GOLGA8A: variants seen among roughly 807,000 people sequenced by gnomAD.
GOLGA8A encodes golgin subfamily A member 8A.
GOLGA8A carries 3 observed loss-of-function variants against 22.1 expected under a neutral mutation model. The observed-to-expected ratio is 0.14, with a 90% confidence interval of 0.06 to 0.35. The LOEUF (loss-of-function observed/expected upper bound fraction) is 0.35. Ranked by LOEUF, GOLGA8A falls within the 10% of genes least tolerant of loss-of-function variation. The pLI is 1.00. For missense variants in GOLGA8A, 16 were observed against 233.2 expected, an observed-to-expected ratio of 0.07 and a Z score of 6.07; for synonymous variants, 7 against 91.7, an observed-to-expected ratio of 0.08 and a Z score of 5.28.
At position 34,426,170 on chromosome 15, in the gene GOLGA8A, T is replaced by C. The variant is rs542720878; in HGVS notation, c.-1123+9213A>G. On this transcript the variant is annotated intron_variant, in intron 2 of 24. Transcript: ENST00000359187. ...ATGTACGAGACTCCACCTGTCAGCA[T>C]TCTCCGTGAGTGTGAAAAACGGAAC... 4.1e-4 allele frequency among the ~76,000 whole-genome samples: 61 copies of C among 149,378 alleles called. 9 individuals carry two copies. The highest frequency in any genetic ancestry group is 1.6e-3 in the Admixed American group (23 of 14,746).
rs746894288 is a variant in GOLGA8A, at chr15:34,432,299, C to G, written c.-1123+3084G>C. 4.3e-4 allele frequency among the ~76,000 whole-genome samples: 64 copies of G among 148,898 alleles called. 4 individuals are homozygous for G. The highest frequency in any genetic ancestry group is 6.7e-4 in the Non-Finnish European group (45 of 67,120). On this transcript the variant is annotated intron_variant, in intron 2 of 24. Coordinates refer to ENST00000359187, the MANE Select transcript of GOLGA8A (RefSeq NM_181077.5). ...TGTTGAAAATTAGCACCTTTACGTG[C>G]CCACCAGTGGTCATGAGTCCTAGTC...
chr15:34,427,297 C>G (rs58952833), intron 2 of GOLGA8A, among the ~76,000 whole-genome samples: 25,959 of 133,552 alleles, frequency 0.19, 4,124 homozygotes, highest in African/African-American at 0.36. Flanking sequence ...TGCCACTGCA[C>G]TCCAGCCTGG....
intron 2 of GOLGA8A, among the ~76,000 whole-genome samples, chr15:34,426,133 T>C (rs914845054): frequency 6.7e-6 from 1 of 148,966 alleles, no homozygotes; most frequent in African/African-American, 2.5e-5. Flanking sequence ...CCCATGCAGA[T>C]GCAAGGGTTT....
Position 34,381,237 on chromosome 15 carries a change from G to C in GOLGA8A, c.*174C>G, listed in dbSNP as rs1364879360. On this transcript the variant is annotated 3_prime_UTR_variant, in exon 25 of 25. Transcript: ENST00000359187. ...AGTGAACATCAGTGAGAGCCACAGA[G>C]ACCCACTCTCTTTTAACTTTTTACA... 2.6e-5 allele frequency: 28 copies of C among 1,093,688 alleles called. No individual in the cohort carries two copies. In the Middle Eastern group the frequency reaches 1.2e-3, roughly 46 times the overall value. The allele number at this position is 1,093,688 out of a possible 1,614,324, so 67.7% of individuals were successfully genotyped here. A position where few individuals can be genotyped will look rare whatever the true frequency, so the allele number is the denominator to read the frequency against.
chr15:34,422,772 G>A (rs987695381), intron 2 of GOLGA8A, among the ~76,000 whole-genome samples: 2 of 108,178 alleles, frequency 1.8e-5, no homozygotes, highest in African/African-American at 5.3e-5. Context: ...GCATTCTACA[G>A]GCCTCCCATG....
chr15:34,423,498 T>C (rs1484455211), intron 2 of GOLGA8A, among the ~76,000 whole-genome samples: 2 of 147,822 alleles, frequency 1.4e-5, no homozygotes, highest in Non-Finnish European at 3.0e-5. Context: ...GTCTATGATG[T>C]GCAAAATAAC....
At chr15:34,431,979 G>A (rs1472389680) in intron 2 of GOLGA8A, among the ~76,000 whole-genome samples, 4 of 148,664 alleles carry the variant, frequency 2.7e-5, no homozygotes, top group African/African-American at 9.9e-5. Flanking sequence ...AATCCTAAAT[G>A]TCAATAGTGT....
rs147394848 is a variant in GOLGA8A at position 34,400,748 on chromosome 15, C to G, written c.-563G>C. The G allele has an allele frequency of 6.8e-6, 1 of 146,570 alleles. No homozygotes were observed. The highest frequency in any genetic ancestry group is 1.5e-5 in the Non-Finnish European group (1 of 64,692). The allele number at this position is 146,570 out of a possible 1,614,324, so 9.1% of individuals were successfully genotyped here. ...TTCAGGAAGACAACCCAGTTGACAA[C>G]GACAACAGTTTCTATGATAACAAAA... On this transcript the variant is annotated 5_prime_UTR_variant, in exon 6 of 25. Transcript: ENST00000359187.
rs1566901583 is a variant in GOLGA8A at position 34,380,664 on chromosome 15, A to G, written c.*747T>C. On this transcript the variant is annotated 3_prime_UTR_variant, in exon 25 of 25. Coordinates refer to ENST00000359187, the MANE Select transcript of GOLGA8A (RefSeq NM_181077.5). ...CAATATCTTCATGAGCCCAGAGCAC[A>G]TACAAATCCAAAGGGAACTGCCACA... is the stretch of plus-strand genomic sequence containing the variant. 6.5e-6 allele frequency: 1 copy of G among 154,502 alleles called. No individual in the cohort carries two copies. Among genetic ancestry groups the G allele is most frequent in the Non-Finnish European group, 1.4e-5 (1 of 69,194 alleles). 9.6% of individuals were successfully genotyped at this position (154,502 alleles called of 1,614,324 possible). A position where few individuals can be genotyped will look rare whatever the true frequency, so the allele number is the denominator to read the frequency against.
intron 2 of GOLGA8A, among the ~76,000 whole-genome samples, chr15:34,427,089 T>C (rs1022069477): frequency 2.7e-5 from 4 of 147,088 alleles, no homozygotes; most frequent in South Asian, 4.5e-4. Flanking sequence ...TTGCAGCACT[T>C]TGGGAGGCTG....
chr15:34,424,409 G>A lies in GOLGA8A; in HGVS notation c.-1123+10974C>T, dbSNP rs1050985400. Among the ~76,000 whole-genome samples, 13 of 140,526 alleles carry A rather than the reference G, an allele frequency of 9.3e-5. 1 individual carries two copies. The highest frequency in any genetic ancestry group is 3.4e-4 in the African/African-American group (13 of 38,284). The allele number at this position is 140,526 out of a possible 152,430, so 92.2% of individuals were successfully genotyped here. On this transcript the variant is annotated intron_variant, in intron 2 of 24. Coordinates refer to ENST00000359187, the MANE Select transcript of GOLGA8A (RefSeq NM_181077.5). Reference sequence around the variant, plus strand: ...TAAATAACAAAAAAGAAAGGTCGACGATGGCAAATGATTCTCCAATAAAAA... The same window carrying A: ...TAAATAACAAAAAAGAAAGGTCGACAATGGCAAATGATTCTCCAATAAAAA...
intron 1 of GOLGA8A, 97 bp from the exon 2 acceptor site, chr15:34,435,568 G>C (rs1893465761): frequency 6.7e-6 from 1 of 148,802 alleles, no homozygotes; most frequent in African/African-American, 2.5e-5. Flanking sequence ...CGGTGTCAGA[G>C]AAAACATGCA....
chr15:34,430,389 C>CA (rs1395197601), intron 2 of GOLGA8A, among the ~76,000 whole-genome samples: 1 of 149,138 alleles, frequency 6.7e-6, no homozygotes, highest in Non-Finnish European at 1.5e-5. Flanking sequence ...AATACATGCA[C>CA]AAAACAAAGG....
At chr15:34,418,130 T>TTAAAAAAAAA (rs756695001) in intron 2 of GOLGA8A, 4 of 62,776 alleles carry the variant, frequency 6.4e-5, no homozygotes, top group African/African-American at 1.1e-4. Flanking sequence ...GTAGATTCTT[T>TTAAAAAAAAA]AAAAAAAAAA....
chr15:34,424,906 C>T (rs1892920512), intron 2 of GOLGA8A, among the ~76,000 whole-genome samples: 1 of 137,926 alleles, frequency 7.3e-6, no homozygotes, highest in Admixed American at 7.6e-5. Flanking sequence ...TCAAGACCAG[C>T]CTGGGAAACT....
chr15:34,436,084 C>G (rs533685164), intron 1 of GOLGA8A, among the ~76,000 whole-genome samples: 2 of 148,804 alleles, frequency 1.3e-5, no homozygotes, highest in Non-Finnish European at 3.0e-5. Context: ...CAGTTCCTGT[C>G]CCCCTGCGTA....
chr15:34,403,798 G>GA lies in GOLGA8A; in HGVS notation c.-575+1118dup, dbSNP rs1253514464. 4.8e-5 allele frequency among the ~76,000 whole-genome samples: 4 copies of GA among 84,174 alleles called. No homozygotes were observed. In the East Asian group the frequency reaches 1.9e-3, roughly 39 times the overall value. The allele number at this position is 84,174 out of a possible 152,430, so 55.2% of individuals were successfully genotyped here. ...AATGGACTAAATTTCTTTCCTCTGG[G>GA]AAAAATTACTAATTAAATTAATATA... On this transcript the variant is annotated intron_variant, in intron 5 of 24. Coordinates refer to ENST00000359187, the MANE Select transcript of GOLGA8A (RefSeq NM_181077.5).
chr15:34,399,068 G>T (rs558606117), intron 7 of GOLGA8A, 87 bp downstream of exon 7: 4,775 of 140,778 alleles, frequency 0.034, 74 homozygotes, highest in African/African-American at 0.12. Flanking sequence ...AAAATTTCTT[G>T]AAGAGAACCT....
intron 1 of GOLGA8A, among the ~76,000 whole-genome samples, chr15:34,436,816 C>A (rs1184446274): frequency 6.7e-6 from 1 of 149,910 alleles, no homozygotes; most frequent in Admixed American, 6.7e-5. Context: ...CACCGTGCCC[C>A]CAACCCGGCG....
Sources: gnomAD v4.1 joint callset for allele counts (sites outside exome capture counted in the v4.1 genomes callset) on GRCh38, gnomAD v4.1.1 for gene constraint, MANE v1.5 for transcripts, NCBI Gene and HGNC (gene_info 2026-07-23, HGNC 2026-07-21) for gene names.